The following PITPNM2 variants were observed in gnomAD, a reference collection of about 807,000 sequenced individuals.
The protein encoded by PITPNM2 is membrane-associated phosphatidylinositol transfer protein 2.
A neutral mutation model predicts 132.2 loss-of-function variants in PITPNM2; 35 were observed. The ratio of observed to expected loss-of-function variants is 0.26; its 90% CI spans 0.20 to 0.35. The LOEUF is 0.35. Among genes scored for constraint, PITPNM2 ranks in the 10% least tolerant of loss-of-function variants. The pLI, the probability that PITPNM2 is intolerant of heterozygous loss-of-function variation, is 1.00. For synonymous variants in PITPNM2, 738 were observed against 799.2 expected (o/e 0.92, Z 1.29); for missense variants, 1,332 against 1,912.0 (o/e 0.70, Z 5.66).
chr12:123,096,377 A>G lies in PITPNM2; in HGVS notation c.-96+14008T>C, dbSNP rs552584270. Among the ~76,000 whole-genome samples the G allele has an allele frequency of 1.1e-4, 17 of 152,346 alleles. No individual in the cohort carries two copies. The South Asian group carries it at 3.1e-3, about 28-fold the overall frequency. On this transcript the variant is annotated intron_variant, in intron 2 of 25. Transcript: ENST00000320201. ...CATGATTGGTGACTGCACAGCAACC[A>G]TATTTTATTCACGGTGAGTTCCTGG...
intron 1 of PITPNM2, among the ~76,000 whole-genome samples, chr12:123,135,291 G>A (rs1616131): frequency 0.67 from 101,525 of 151,924 alleles, 36,863 homozygotes; most frequent in East Asian, 0.97. Flanking sequence ...AATAAAACAT[G>A]TTTATAGCTA....
At chr12:123,066,568 A>G (rs1210668969) in intron 2 of PITPNM2, among the ~76,000 whole-genome samples, 3 of 152,144 alleles carry the variant, frequency 2.0e-5, no homozygotes, top group Non-Finnish European at 2.9e-5. Context: ...TGGGAGACAG[A>G]CAGACTCCTC....
At chr12:123,144,521 T>TC (rs1259608428) in intron 1 of PITPNM2, among the ~76,000 whole-genome samples, 1 of 152,182 alleles carries the variant, frequency 6.6e-6, no homozygotes, top group East Asian at 1.9e-4. Context: ...AACCTCCACC[T>TC]CCTGGGTTCA....
intron 2 of PITPNM2, among the ~76,000 whole-genome samples, chr12:123,074,087 G>A (rs1195196911): frequency 6.6e-6 from 1 of 152,166 alleles, no homozygotes; most frequent in Non-Finnish European, 1.5e-5. Flanking sequence ...AGGGAGGGAG[G>A]GAGCGAAGGA....
chr12:123,053,562 CTTT>C (rs964541144), intron 2 of PITPNM2, among the ~76,000 whole-genome samples: 2 of 119,866 alleles, frequency 1.7e-5, no homozygotes, highest in South Asian at 2.8e-4. Context: ...ATGGTGACAT[CTTT>C]TTTTTTTTTT....
In PITPNM2 at chr12:123,072,638, C is replaced by T. The variant is rs546834323; in HGVS notation, c.-96+37747G>A. On this transcript the variant is annotated intron_variant, in intron 2 of 25. Coordinates refer to ENST00000320201, the MANE Select transcript of PITPNM2 (RefSeq NM_020845.3). ...ATCCACTGGGGCAGAGCTGGGACCC[C>T]AGACTCTCAGACTCCAGGCCTAGTG... is the stretch of plus-strand genomic sequence containing the variant. Among the ~76,000 whole-genome samples the T allele has an allele frequency of 7.9e-4, 120 of 152,324 alleles. 1 individual carries two copies. The highest frequency in any genetic ancestry group is 2.7e-3 in the African/African-American group (113 of 41,568).
At position 122,986,197 on chromosome 12, in the gene PITPNM2, G is replaced by A. The variant is rs776599590; in HGVS notation, c.3880C>T (p.Leu1294Phe). 5 of 1,556,446 alleles carry A rather than the reference G, an allele frequency of 3.2e-6. No individual in the cohort carries two copies. In the South Asian group the frequency reaches 3.5e-5, roughly 11 times the overall value. ...CTGGGCTGGGCCGAGATGGTGCGAAGCAGGTGGTTCCGGGAGCGCAGAAAG... is the reference window on the plus strand; with the variant it reads ...CTGGGCTGGGCCGAGATGGTGCGAAACAGGTGGTTCCGGGAGCGCAGAAAG... ...GDFLRSRNHL[L>F]RTISAQPSGP... The change falls in exon 26 of 26, where the codon CTT (leucine) becomes TTT (phenylalanine). Residue 1294 changes from leucine to phenylalanine, a missense_variant. By Grantham distance (22) the Leu-to-Phe change is conservative (BLOSUM62 0). Coordinates refer to ENST00000320201, the MANE Select transcript of PITPNM2 (RefSeq NM_020845.3).
At chr12:123,071,191 G>A (rs1362809316) in intron 2 of PITPNM2, among the ~76,000 whole-genome samples, 3 of 152,234 alleles carry the variant, frequency 2.0e-5, no homozygotes, top group Non-Finnish European at 4.4e-5. Context: ...CAGCAGAGGG[G>A]GACAGGCATG....
chr12:123,090,315 T>C (rs549761419), intron 2 of PITPNM2: 13 of 152,356 alleles, frequency 8.5e-5, no homozygotes, highest in African/African-American at 3.1e-4. Flanking sequence ...CCTCACAAGA[T>C]GGTGGCTGGT....
Position 123,001,887 on chromosome 12 carries a change from C to T in PITPNM2, c.1049-729G>A, listed in dbSNP as rs541510410. 2.2e-4 allele frequency among the ~76,000 whole-genome samples: 34 copies of T among 152,098 alleles called. No individual in the cohort carries two copies. In the South Asian group the frequency reaches 6.7e-3, roughly 30 times the overall value. Reference sequence around the variant, plus strand: ...CTCTACTAAAAATACAAAAATTAGTCAGGCGTGGTGGTGTGCGCCTGTAGT... The same window carrying T: ...CTCTACTAAAAATACAAAAATTAGTTAGGCGTGGTGGTGTGCGCCTGTAGT... On this transcript the variant is annotated intron_variant, in intron 8 of 25. Coordinates refer to ENST00000320201, the MANE Select transcript of PITPNM2 (RefSeq NM_020845.3).
rs2039035204 is a variant in PITPNM2, at chr12:123,008,483, C to T, written c.643+1367G>A. ...AGTCCTGCCCACATGCTCCTCCACT[C>T]CTCATATTGCCTGGGAAGTGAGAAC... On this transcript the variant is annotated intron_variant, in intron 6 of 25. Coordinates refer to ENST00000320201, the MANE Select transcript of PITPNM2 (RefSeq NM_020845.3). This position sits in a 1 kb window ranked among gnomAD's most constrained non-coding sequence, Gnocchi z 4.1. Among the ~76,000 whole-genome samples the T allele has an allele frequency of 6.6e-6, 1 of 152,208 alleles. No homozygotes were observed. The highest frequency in any genetic ancestry group is 1.5e-5 in the Non-Finnish European group (1 of 68,030).
intron 6 of PITPNM2, among the ~76,000 whole-genome samples, chr12:123,006,948 A>G (rs1457774748): frequency 6.6e-6 from 1 of 152,128 alleles, no homozygotes; most frequent in Admixed American, 6.5e-5. Context: ...TTATGCCTCA[A>G]TAAAGCTGTT....
At position 122,985,385 on chromosome 12, in the gene PITPNM2, G is replaced by A. The variant is rs985363372; in HGVS notation, c.*642C>T. 1 of 152,350 alleles carries A rather than the reference G, an allele frequency of 6.6e-6. No homozygotes were observed. The highest frequency in any genetic ancestry group is 1.5e-5 in the Non-Finnish European group (1 of 68,042). 9.4% of individuals were successfully genotyped at this position (152,350 alleles called of 1,614,324 possible). A position where few individuals can be genotyped will look rare whatever the true frequency, so the allele number is the denominator to read the frequency against. On this transcript the variant is annotated 3_prime_UTR_variant, in exon 26 of 26. Coordinates refer to ENST00000320201, the MANE Select transcript of PITPNM2 (RefSeq NM_020845.3). ...CGGGGCAGGCAGACAGGTGGGCAGG[G>A]TCCGGGGTGCAGAAATTAAGATACA...
chr12:123,115,183 T>C (rs1318480034), intron 1 of PITPNM2, among the ~76,000 whole-genome samples: 3 of 152,186 alleles, frequency 2.0e-5, no homozygotes, highest in Non-Finnish European at 4.4e-5. Flanking sequence ...CCCCATGCCT[T>C]GGGCAGGCTG....
At chr12:123,096,404 A>G (rs2042412004) in intron 2 of PITPNM2, among the ~76,000 whole-genome samples, 1 of 152,154 alleles carries the variant, frequency 6.6e-6, no homozygotes, top group Non-Finnish European at 1.5e-5. Context: ...AGTTCCTGGG[A>G]TTCTTGCCAG....
intron 1 of PITPNM2, among the ~76,000 whole-genome samples, chr12:123,138,955 T>C (rs2043439798): frequency 6.7e-6 from 1 of 150,000 alleles, no homozygotes; most frequent in Non-Finnish European, 1.5e-5. Flanking sequence ...CTGGGCAACA[T>C]AGCAAGACCC....
chr12:123,059,915 A>G (rs1392340254), intron 2 of PITPNM2, among the ~76,000 whole-genome samples: 2 of 152,192 alleles, frequency 1.3e-5, no homozygotes, highest in Non-Finnish European at 2.9e-5. Context: ...ACAATCTTGT[A>G]TGCATACTAT....
intron 2 of PITPNM2, among the ~76,000 whole-genome samples, chr12:123,035,463 C>T (rs1457850979): frequency 1.3e-5 from 2 of 152,052 alleles, no homozygotes; most frequent in East Asian, 1.9e-4. Flanking sequence ...GTTCGGCGTT[C>T]AAGACCAGAC....
At chr12:123,138,340 C>T (rs1469818431) in intron 1 of PITPNM2, among the ~76,000 whole-genome samples, 2 of 151,896 alleles carry the variant, frequency 1.3e-5, no homozygotes, top group Admixed American at 6.6e-5. Flanking sequence ...CCCAGCTACT[C>T]GGGAGGCTGA....
Sources: allele counts gnomAD v4.1 joint callset (sites outside exome capture counted in the v4.1 genomes callset), GRCh38; gene constraint gnomAD v4.1.1; non-coding constraint Gnocchi (gnomAD v3.1); transcripts MANE v1.5; gene names NCBI Gene and HGNC (gene_info 2026-07-23, HGNC 2026-07-21).